The following CDH13 variants were observed in gnomAD, a reference collection of about 807,000 sequenced individuals.
CDH13 encodes cadherin-13.
Under a neutral mutation model 63.8 loss-of-function variants are expected in CDH13, and 24 were observed. That is an observed-to-expected ratio of 0.38 (90% CI 0.27 to 0.53). The LOEUF is 0.53. Ranked by LOEUF, CDH13 falls within the 20% of genes least tolerant of loss-of-function variation. The pLI, the probability that CDH13 is intolerant of heterozygous loss-of-function variation, is 0.85. For missense variants in CDH13, 1,049 were observed against 903.1 expected (o/e 1.16, Z -2.07); for synonymous variants, 503 against 355.3 (o/e 1.42, Z -4.67).
chr16:82,896,967 G>C lies in CDH13; in HGVS notation c.157+38494G>C, dbSNP rs563882036. ...AGCTAATTTTTTTGTATTTTTAGTA[G>C]AGATGGGGTTTCATCATGTTAGCCA... On this transcript the variant is annotated intron_variant, in intron 2 of 13. Transcript: ENST00000567109. Among the ~76,000 whole-genome samples the C allele has an allele frequency of 5.9e-4, 89 of 151,612 alleles. 1 individual carries two copies. In the South Asian group the frequency reaches 0.017, roughly 29 times the overall value.
At chr16:83,007,740 C>G (rs897663393) in intron 2 of CDH13, among the ~76,000 whole-genome samples, 1 of 151,342 alleles carries the variant, frequency 6.6e-6, no homozygotes, top group Non-Finnish European at 1.5e-5. Context: ...GGGAGGATCA[C>G]TTGAACCCAG....
At chr16:82,862,592 G>T (rs2039986852) in intron 2 of CDH13, among the ~76,000 whole-genome samples, 1 of 152,064 alleles carries the variant, frequency 6.6e-6, no homozygotes, top group Non-Finnish European at 1.5e-5. Flanking sequence ...TTCTTTATGG[G>T]TCATTCCTCT....
At chr16:83,196,792 C>G (rs927343941) in intron 4 of CDH13, among the ~76,000 whole-genome samples, 23 of 152,154 alleles carry the variant, frequency 1.5e-4, no homozygotes, top group African/African-American at 4.3e-4. Context: ...GCAGTAACAT[C>G]AAATGCTGGC....
intron 1 of CDH13, among the ~76,000 whole-genome samples, chr16:82,690,175 A>T (rs1335565999): frequency 6.7e-6 from 1 of 149,422 alleles, no homozygotes; most frequent in Non-Finnish European, 1.5e-5. Context: ...AAAAAAAAAA[A>T]AAAAAAAAAA....
At chr16:83,357,351 G>T (rs1191410486) in intron 6 of CDH13, among the ~76,000 whole-genome samples, 1 of 152,124 alleles carries the variant, frequency 6.6e-6, no homozygotes, top group Non-Finnish European at 1.5e-5. Flanking sequence ...GTATGTGTCT[G>T]TACATTCACA....
At chr16:83,663,423 A>G (rs559813055) in intron 8 of CDH13, among the ~76,000 whole-genome samples, 2 of 152,350 alleles carry the variant, frequency 1.3e-5, no homozygotes, top group East Asian at 3.9e-4. Context: ...ACTACAGTTG[A>G]GTCCACTTTC....
intron 8 of CDH13, among the ~76,000 whole-genome samples, chr16:83,666,120 G>T (rs1223852770): frequency 1.3e-5 from 2 of 152,278 alleles, no homozygotes; most frequent in East Asian, 3.9e-4. Flanking sequence ...CCAATTAAAG[G>T]TAGTAATAGT....
chr16:83,502,226 C>G (rs939735764), intron 7 of CDH13, among the ~76,000 whole-genome samples: 4 of 152,124 alleles, frequency 2.6e-5, no homozygotes, highest in African/African-American at 9.7e-5. Flanking sequence ...GAAGATTATT[C>G]TGAATTATCC....
At chr16:83,445,361 A>G (rs1433334339) in intron 6 of CDH13, among the ~76,000 whole-genome samples, 2 of 152,160 alleles carry the variant, frequency 1.3e-5, no homozygotes, top group Non-Finnish European at 2.9e-5. Flanking sequence ...AAGAAAAGTT[A>G]TTTCAGAAAA....
intron 1 of CDH13, among the ~76,000 whole-genome samples, chr16:82,692,970 A>G (rs1214036955): frequency 6.6e-6 from 1 of 152,164 alleles, no homozygotes; most frequent in South Asian, 2.1e-4. Context: ...ATCGTTTTAC[A>G]AAAGATTTTG....
chr16:82,725,567 T>G lies in CDH13; in HGVS notation c.45+98430T>G, dbSNP rs543773340. On this transcript the variant is annotated intron_variant, in intron 1 of 13. Transcript: ENST00000567109. ...AATGATCTGCATAAAACTATAAGCC[T>G]CATTCCTGGCACATGGTGACCTCTT... 2.6e-4 allele frequency among the ~76,000 whole-genome samples: 40 copies of G among 152,336 alleles called. No homozygotes were observed. In the East Asian group the frequency reaches 7.7e-3, roughly 29 times the overall value.
At chr16:82,888,159 C>T (rs575606802) in intron 2 of CDH13, among the ~76,000 whole-genome samples, 10 of 152,290 alleles carry the variant, frequency 6.6e-5, no homozygotes, top group South Asian at 2.1e-4. Context: ...GGGAAGAAAA[C>T]ATACATAGTG....
chr16:83,188,920 G>A (rs1294499233), intron 4 of CDH13, among the ~76,000 whole-genome samples: 2 of 152,128 alleles, frequency 1.3e-5, no homozygotes, highest in African/African-American at 2.4e-5. Context: ...GAAGAGGCAC[G>A]CTTGGAGTGA....
At chr16:83,497,678 AATT>A (rs1008511216) in intron 7 of CDH13, among the ~76,000 whole-genome samples, 6 of 152,208 alleles carry the variant, frequency 3.9e-5, no homozygotes, top group African/African-American at 1.4e-4. Context: ...GACCATTAAA[AATT>A]ATAAAAAGCA....
intron 7 of CDH13, among the ~76,000 whole-genome samples, chr16:83,591,835 C>T (rs967140706): frequency 4.6e-5 from 7 of 152,228 alleles, no homozygotes; most frequent in African/African-American, 1.7e-4. Context: ...TTTCTTGTCC[C>T]TTTGGTGTCC....
At chr16:82,941,600 A>T (rs955398488) in intron 2 of CDH13, among the ~76,000 whole-genome samples, 1 of 152,098 alleles carries the variant, frequency 6.6e-6, no homozygotes, top group East Asian at 1.9e-4. Flanking sequence ...GTATTTGGAG[A>T]TTGTATCAAC....
chr16:83,257,751 T>C (rs1246495959), intron 5 of CDH13, among the ~76,000 whole-genome samples: 1 of 152,216 alleles, frequency 6.6e-6, no homozygotes, highest in Non-Finnish European at 1.5e-5. Flanking sequence ...GTCTTTATAA[T>C]AGAATGATTT....
chr16:82,888,635 C>G (rs2040974829), intron 2 of CDH13, among the ~76,000 whole-genome samples: 1 of 152,160 alleles, frequency 6.6e-6, no homozygotes, highest in African/African-American at 2.4e-5. Context: ...GTAGACCTCC[C>G]CTAGCACTGA....
intron 6 of CDH13, among the ~76,000 whole-genome samples, chr16:83,360,549 G>T (rs2091142530): frequency 6.6e-6 from 1 of 151,836 alleles, no homozygotes; most frequent in Admixed American, 6.6e-5. Context: ...CTTTGAGTAT[G>T]ATTGAATCTG....
Sources: allele counts gnomAD v4.1 joint callset (sites outside exome capture counted in the v4.1 genomes callset), GRCh38; gene constraint gnomAD v4.1.1; transcripts MANE v1.5; gene names NCBI Gene and HGNC (gene_info 2026-07-23, HGNC 2026-07-21).